ALDH18A1: variants seen among roughly 807,000 people sequenced by gnomAD.
ALDH18A1 encodes delta-1-pyrroline-5-carboxylate synthase.
A neutral mutation model predicts 88.8 loss-of-function variants in ALDH18A1; 44 were observed. That is an observed-to-expected ratio of 0.50 (90% CI 0.39 to 0.64). The LOEUF (loss-of-function observed/expected upper bound fraction) is 0.64. ALDH18A1 is among the 30% of genes least tolerant of loss of function. The pLI is 0.00. For synonymous variants in ALDH18A1, 331 were observed against 372.1 expected (o/e 0.89, Z 1.27); for missense variants, 782 against 1,009.5 (o/e 0.77, Z 3.05).
chr10:95,634,499 A>C lies in ALDH18A1; in HGVS notation c.559-850T>G, dbSNP rs1037898888. The stretch of plus-strand genomic sequence containing the variant: ...GTGAGTGAGTGAAAGTGTATTAGAC[A>C]AAATGGAATAGGGCTGTGTTGTCAC... On this transcript the variant is annotated intron_variant, in intron 5 of 17. Coordinates refer to ENST00000371224, the MANE Select transcript of ALDH18A1 (RefSeq NM_002860.4). Among the ~76,000 whole-genome samples the C allele has an allele frequency of 2.9e-4, 44 of 152,254 alleles. 1 individual carries two copies. Among genetic ancestry groups the C allele is most frequent in the Non-Finnish European group, 2.5e-4 (17 of 68,044 alleles).
intron 12 of ALDH18A1, among the ~76,000 whole-genome samples, chr10:95,620,118 G>A (rs1168149521): frequency 2.6e-5 from 4 of 152,160 alleles, no homozygotes; most frequent in African/African-American, 9.7e-5. Flanking sequence ...CAAAAAGTGT[G>A]CAAAGGATAT....
At chr10:95,620,724 G>A (rs879252162) in intron 12 of ALDH18A1, among the ~76,000 whole-genome samples, 2 of 151,388 alleles carry the variant, frequency 1.3e-5, no homozygotes, top group Non-Finnish European at 2.9e-5. Flanking sequence ...CTCACTCGTA[G>A]GTGGGAACTG....
At chr10:95,614,277 T>G in intron 13 of ALDH18A1, 116 bp from the exon 14 acceptor site, 1 of 1,133,356 alleles carries the variant, frequency 8.8e-7, no homozygotes, top group Non-Finnish European at 1.3e-6. Flanking sequence ...AGTGAGACAC[T>G]GTGAAAACTT....
At chr10:95,633,128 T>G (rs561292991) in intron 6 of ALDH18A1, 79 bp from the exon 7 acceptor site, 1 of 1,367,214 alleles carries the variant, frequency 7.3e-7, no homozygotes, top group African/African-American at 1.4e-5. Flanking sequence ...ACAGCCAAGC[T>G]CAGGCAAAAC....
At chr10:95,651,010 T>C (rs1337587334) in intron 2 of ALDH18A1, among the ~76,000 whole-genome samples, 1 of 152,044 alleles carries the variant, frequency 6.6e-6, no homozygotes, top group Non-Finnish European at 1.5e-5. Flanking sequence ...GGTGGGCACC[T>C]GTAATCCCAG....
At chr10:95,638,785 A>G (rs543052205) in intron 3 of ALDH18A1, among the ~76,000 whole-genome samples, 1 of 152,190 alleles carries the variant, frequency 6.6e-6, no homozygotes, top group Non-Finnish European at 1.5e-5. Context: ...CAATATTCCT[A>G]AACTGTCCTT....
Position 95,606,360 on chromosome 10 carries a change from G to T in ALDH18A1, c.*402C>A. The T allele has an allele frequency of 9.8e-7, 1 of 1,018,030 alleles. No homozygotes were observed. The highest frequency in any genetic ancestry group is 4.1e-5 in the South Asian group (1 of 24,622). The allele number at this position is 1,018,030 out of a possible 1,614,324, so 63.1% of individuals were successfully genotyped here. A position where few individuals can be genotyped will look rare whatever the true frequency, so the allele number is the denominator to read the frequency against. On this transcript the variant is annotated 3_prime_UTR_variant, in exon 18 of 18. Transcript: ENST00000371224. The stretch of plus-strand genomic sequence containing the variant: ...TTTTTGAAGATGACTACATGTGAAA[G>T]AAATAAAATGTGAAAAGATTTGTTA...
intron 13 of ALDH18A1, 36 bp downstream of exon 13, chr10:95,616,441 C>T: frequency 6.4e-7 from 1 of 1,553,592 alleles, no homozygotes. Flanking sequence ...GATCTGGCCC[C>T]TCTGGGCCTG....
At chr10:95,633,966 G>A (rs921137320) in intron 5 of ALDH18A1, among the ~76,000 whole-genome samples, 1 of 151,786 alleles carries the variant, frequency 6.6e-6, no homozygotes, top group African/African-American at 2.4e-5. Flanking sequence ...ACAGGCACAC[G>A]CAGCTAATTT....
rs1438015555 is a variant in ALDH18A1, at chr10:95,621,141, G to A, written c.1357C>T (p.Arg453Cys). The change falls in exon 12 of 18, where the codon CGT (arginine) becomes TGT (cysteine). Residue 453 changes from arginine to cysteine, a missense_variant. This residue lies in a region of ALDH18A1 where 556 missense variants were observed against 654.5 expected (regional missense o/e 0.85). Transcript: ENST00000371224. ...IAASSQDSVGRVLRRTRIAKN... is the reference protein window; with the variant it reads ...IAASSQDSVGCVLRRTRIAKN... ...GCGATTCGGGTGCGGCGCAAAACACGTCCCACGCTGTCCTGGGAGGAGGCT... is the reference window on the plus strand; with the variant it reads ...GCGATTCGGGTGCGGCGCAAAACACATCCCACGCTGTCCTGGGAGGAGGCT... 13 of 1,613,892 alleles carry A rather than the reference G, an allele frequency of 8.1e-6. No individual in the cohort carries two copies. The highest frequency in any genetic ancestry group is 2.2e-5 in the South Asian group (2 of 91,080).
At chr10:95,633,440 C>T (rs1411592252) in intron 6 of ALDH18A1, 51 bp downstream of exon 6, 9 of 1,606,132 alleles carry the variant, frequency 5.6e-6, no homozygotes, top group Non-Finnish European at 7.7e-6. Context: ...TGCAGCATAG[C>T]ATGGTGTTAG....
intron 1 of ALDH18A1, 75 bp downstream of exon 1, chr10:95,656,522 C>A (rs1455687960): frequency 6.6e-6 from 1 of 152,294 alleles, no homozygotes; most frequent in Admixed American, 6.5e-5. Flanking sequence ...TCACGCCCCT[C>A]GCGCTTGAGC....
chr10:95,637,952 G>C (rs2097883983), intron 3 of ALDH18A1, among the ~76,000 whole-genome samples: 1 of 150,212 alleles, frequency 6.7e-6, no homozygotes, highest in African/African-American at 2.5e-5. Context: ...TAGAATGAGA[G>C]AGATGCTGTC....
chr10:95,626,839 T>TAG, intron 9 of ALDH18A1, 63 bp from the exon 10 acceptor site: 3 of 1,550,808 alleles, frequency 1.9e-6, no homozygotes, highest in Non-Finnish European at 2.7e-6. Context: ...GTTCTACTAC[T>TAG]AGAGAGAGAA....
Position 95,653,408 on chromosome 10 carries a change from G to A in ALDH18A1, c.-28-3C>T, listed in dbSNP as rs2139670352. ...GATGTGGTCACTAACCAAAGTATCT[G>A]CAGAATACATTTTTTAAAAAGTGAG... On this transcript the variant is annotated splice_region_variant and splice_polypyrimidine_tract_variant and intron_variant, in intron 1 of 17. Coordinates refer to ENST00000371224, the MANE Select transcript of ALDH18A1 (RefSeq NM_002860.4). 5.0e-6 allele frequency: 8 copies of A among 1,609,708 alleles called. No individual in the cohort carries two copies. The highest frequency in any genetic ancestry group is 6.8e-6 in the Non-Finnish European group (8 of 1,176,502).
chr10:95,620,214 C>T (rs925008820), intron 12 of ALDH18A1, among the ~76,000 whole-genome samples: 1 of 152,152 alleles, frequency 6.6e-6, no homozygotes, highest in Non-Finnish European at 1.5e-5. Flanking sequence ...CAGAGAAATG[C>T]AAATCAAAAC....
At chr10:95,655,146 A>G (rs2097915961) in intron 1 of ALDH18A1, among the ~76,000 whole-genome samples, 1 of 148,990 alleles carries the variant, frequency 6.7e-6, no homozygotes, top group African/African-American at 2.4e-5. Flanking sequence ...TATTATTATT[A>G]TTATTATTAT....
In ALDH18A1 at chr10:95,627,324, A is replaced by G. The variant is rs2097861847; in HGVS notation, c.1078+118T>C. On this transcript the variant is annotated intron_variant, in intron 9 of 17. Transcript: ENST00000371224. ...CAAAGCAAAATCCGATTTTGCAAAT[A>G]GCGTTCAAAACAATGCCATATTTCA... 6 of 1,386,776 alleles carry G rather than the reference A, an allele frequency of 4.3e-6. No individual in the cohort carries two copies. The South Asian group carries it at 7.3e-5, about 17-fold the overall frequency. 85.9% of individuals were successfully genotyped at this position (1,386,776 alleles called of 1,614,324 possible). A position where few individuals can be genotyped will look rare whatever the true frequency, so the allele number is the denominator to read the frequency against.
intron 12 of ALDH18A1, among the ~76,000 whole-genome samples, chr10:95,619,646 C>T (rs2097849157): frequency 6.6e-6 from 1 of 152,166 alleles, no homozygotes. Flanking sequence ...CATCTACAAC[C>T]ATCTGATTTT....
Sources: gnomAD v4.1 joint callset for allele counts (sites outside exome capture counted in the v4.1 genomes callset) on GRCh38, gnomAD v4.1.1 for gene constraint, gnomAD v4.1.1 regional missense constraint, MANE v1.5 for transcripts, NCBI Gene and HGNC (gene_info 2026-07-23, HGNC 2026-07-21) for gene names.